The following SEMA6D variants were observed in gnomAD, a reference collection of about 807,000 sequenced individuals.
SEMA6D encodes the protein semaphorin-6D.
A neutral mutation model predicts 106.6 loss-of-function variants in SEMA6D; 35 were observed. The ratio of observed to expected loss-of-function variants is 0.33; its 90% CI spans 0.25 to 0.44. SEMA6D has a LOEUF of 0.44. Ranked by LOEUF, SEMA6D falls within the 20% of genes least tolerant of loss-of-function variation. The pLI, the probability that SEMA6D is intolerant of heterozygous loss-of-function variation, is 1.00. For missense variants in SEMA6D, 1,185 were observed against 1,345.9 expected (o/e 0.88, Z 1.87); for synonymous variants, 499 against 487.7 (o/e 1.02, Z -0.31).
chr15:47,414,986 A>C (rs970136733), intron 2 of SEMA6D, among the ~76,000 whole-genome samples: 1 of 152,160 alleles, frequency 6.6e-6, no homozygotes, highest in Non-Finnish European at 1.5e-5. Flanking sequence ...TTCTCTGTAG[A>C]CTTAGCTGGA....
chr15:47,400,232 G>A (rs773813161), intron 1 of SEMA6D, among the ~76,000 whole-genome samples: 3 of 152,178 alleles, frequency 2.0e-5, no homozygotes, highest in Non-Finnish European at 4.4e-5. Context: ...GCTTATGCCT[G>A]TAATCCCAGC....
chr15:47,736,944 G>A (rs1153821), intron 1 of SEMA6D, among the ~76,000 whole-genome samples: 151,191 of 152,270 alleles, frequency 0.99, 75,107 homozygotes, highest in Middle Eastern at 1. Context: ...CCAAGAGAAC[G>A]GCGGTGATTT....
chr15:47,391,996 A>C (rs1595891035), intron 1 of SEMA6D, among the ~76,000 whole-genome samples: 2 of 151,792 alleles, frequency 1.3e-5, no homozygotes, highest in African/African-American at 4.8e-5. Flanking sequence ...CCCAACACCC[A>C]CCCCCTTTGC....
intron 1 of SEMA6D, among the ~76,000 whole-genome samples, chr15:47,371,249 C>T (rs757370620): frequency 2.0e-5 from 3 of 152,182 alleles, no homozygotes; most frequent in Non-Finnish European, 2.9e-5. Flanking sequence ...TCATTACAAA[C>T]GTGCCCTCAC....
chr15:47,360,887 G>A (rs1052163753), intron 1 of SEMA6D, among the ~76,000 whole-genome samples: 1 of 152,180 alleles, frequency 6.6e-6, no homozygotes, highest in Non-Finnish European at 1.5e-5. Flanking sequence ...GGGATATAGT[G>A]GATATTTGAA....
chr15:47,614,644 C>T (rs141525383), intron 4 of SEMA6D, among the ~76,000 whole-genome samples: 9 of 152,236 alleles, frequency 5.9e-5, no homozygotes, highest in Non-Finnish European at 1.0e-4. Context: ...CTTTGGTGCA[C>T]GTATCAACTC....
intron 1 of SEMA6D, among the ~76,000 whole-genome samples, chr15:47,756,212 TTTTTGGAGG>T (rs2081723584): frequency 6.6e-6 from 1 of 152,210 alleles, no homozygotes; most frequent in Non-Finnish European, 1.5e-5. Flanking sequence ...GGTTTCCTCT[TTTTTGGAGG>T]CCTGTACATC....
chr15:47,661,435 G>C (rs1174635140), intron 4 of SEMA6D, among the ~76,000 whole-genome samples: 1 of 152,128 alleles, frequency 6.6e-6, no homozygotes, highest in Non-Finnish European at 1.5e-5. Flanking sequence ...TGATACCTTG[G>C]CACTGCTCTG....
At chr15:47,761,542 G>A in intron 6 of SEMA6D, 111 bp downstream of exon 6, 1 of 1,233,296 alleles carries the variant, frequency 8.1e-7, no homozygotes, top group Non-Finnish European at 1.1e-6. Flanking sequence ...TATCTCTAGT[G>A]CAATGAAAGA....
intron 3 of SEMA6D, among the ~76,000 whole-genome samples, chr15:47,474,422 C>T (rs1472135727): frequency 1.3e-5 from 2 of 152,134 alleles, no homozygotes; most frequent in African/African-American, 4.8e-5. Flanking sequence ...ACAAAAACTA[C>T]ACTTTTATTT....
At chr15:47,598,693 C>A (rs979656010) in intron 3 of SEMA6D, among the ~76,000 whole-genome samples, 1 of 152,162 alleles carries the variant, frequency 6.6e-6, no homozygotes, top group South Asian at 2.1e-4. Flanking sequence ...GTTACTTAAA[C>A]AGTATATGAG....
intron 1 of SEMA6D, among the ~76,000 whole-genome samples, chr15:47,390,765 G>T (rs1428351553): frequency 6.6e-6 from 1 of 152,092 alleles, no homozygotes; most frequent in African/African-American, 2.4e-5. Flanking sequence ...TCAGCATCTT[G>T]TTTCTTCATA....
chr15:47,420,505 G>T (rs2041118339), intron 2 of SEMA6D, among the ~76,000 whole-genome samples: 1 of 151,862 alleles, frequency 6.6e-6, no homozygotes, highest in Non-Finnish European at 1.5e-5. Flanking sequence ...CATGCTAGTT[G>T]CCCCATAGTT....
intron 2 of SEMA6D, among the ~76,000 whole-genome samples, chr15:47,458,426 A>T (rs1475020382): frequency 2.0e-5 from 3 of 152,032 alleles, no homozygotes; most frequent in Non-Finnish European, 4.4e-5. Context: ...TCAAAGGCCC[A>T]TGGAACATTT....
At chr15:47,264,978 A>G (rs2034250471) in intron 1 of SEMA6D, among the ~76,000 whole-genome samples, 1 of 152,028 alleles carries the variant, frequency 6.6e-6, no homozygotes, top group Admixed American at 6.6e-5. Context: ...TGATCATGAT[A>G]CACAATTCTT....
At chr15:47,432,685 C>T (rs1423948664) in intron 2 of SEMA6D, among the ~76,000 whole-genome samples, 1 of 150,870 alleles carries the variant, frequency 6.6e-6, no homozygotes, top group African/African-American at 2.4e-5. Context: ...TGAGAAGAAA[C>T]AGAACAGGCA....
chr15:47,377,322 C>T (rs1022600822), intron 1 of SEMA6D, among the ~76,000 whole-genome samples: 1 of 152,076 alleles, frequency 6.6e-6, no homozygotes, highest in African/African-American at 2.4e-5. Context: ...AAAATAGGTA[C>T]AAGTGGCCAC....
chr15:47,279,689 G>C (rs1595618197), intron 1 of SEMA6D, among the ~76,000 whole-genome samples: 1 of 152,090 alleles, frequency 6.6e-6, no homozygotes. Flanking sequence ...TTATTATTTT[G>C]AGAGACGTCC....
At chr15:47,292,439 AGT>A (rs1185120484) in intron 1 of SEMA6D, among the ~76,000 whole-genome samples, 1 of 152,128 alleles carries the variant, frequency 6.6e-6, no homozygotes, top group Non-Finnish European at 1.5e-5. Flanking sequence ...AAATCAAATG[AGT>A]TTTTTGTTTT....
Sources: gnomAD v4.1 joint callset for allele counts (sites outside exome capture counted in the v4.1 genomes callset) on GRCh38, gnomAD v4.1.1 for gene constraint, MANE v1.5 for transcripts, NCBI Gene and HGNC (gene_info 2026-07-23, HGNC 2026-07-21) for gene names.